The following CCDC91 variants were observed in gnomAD, a reference collection of about 807,000 sequenced individuals.
CCDC91 encodes coiled-coil domain-containing protein 91.
Under a neutral mutation model 63.2 loss-of-function variants are expected in CCDC91, and 48 were observed. That is an observed-to-expected ratio of 0.76 (90% CI 0.60 to 0.97). The LOEUF (loss-of-function observed/expected upper bound fraction) is 0.97. Among genes scored for constraint, CCDC91 ranks in the 50% least tolerant of loss-of-function variants. The pLI is 0.00. For synonymous variants in CCDC91, 167 were observed against 165.8 expected (o/e 1.01, Z -0.06); for missense variants, 500 against 494.6 (o/e 1.01, Z -0.10).
intron 6 of CCDC91, among the ~76,000 whole-genome samples, chr12:28,338,986 A>C (rs537537159): frequency 3.8e-4 from 58 of 152,164 alleles, no homozygotes; most frequent in African/African-American, 1.2e-3. Flanking sequence ...AATTACAGGC[A>C]TGCACTACCA....
At chr12:28,228,993 CTTATT>C (rs1210776466) in intron 1 of CCDC91, among the ~76,000 whole-genome samples, 5 of 151,982 alleles carry the variant, frequency 3.3e-5, no homozygotes, top group African/African-American at 9.7e-5. Context: ...ATAAAAGTAT[CTTATT>C]TTATGTATTG....
intron 1 of CCDC91, chr12:28,256,915 G>C (rs1407980371): frequency 3.2e-6 from 1 of 316,838 alleles, no homozygotes; most frequent in Non-Finnish European, 5.8e-6. Context: ...ATTGAATTGA[G>C]CTCTAGTGCC....
intron 3 of CCDC91, among the ~76,000 whole-genome samples, chr12:28,278,145 A>C (rs1948368390): frequency 2.0e-5 from 3 of 152,000 alleles, no homozygotes; most frequent in African/African-American, 7.2e-5. Context: ...CCAAATTTTG[A>C]AGTGACTGTT....
At chr12:28,368,248 C>T (rs1944399275) in intron 7 of CCDC91, among the ~76,000 whole-genome samples, 1 of 152,158 alleles carries the variant, frequency 6.6e-6, no homozygotes, top group African/African-American at 2.4e-5. Context: ...GGAAATGGAA[C>T]AAGTGCTGAA....
intron 6 of CCDC91, among the ~76,000 whole-genome samples, chr12:28,332,475 A>G (rs1941592957): frequency 6.6e-6 from 1 of 152,206 alleles, no homozygotes. Flanking sequence ...TAAAAAGATG[A>G]TTAGAAAACA....
intron 12 of CCDC91, among the ~76,000 whole-genome samples, chr12:28,542,804 T>A (rs1289837681): frequency 6.6e-6 from 1 of 152,112 alleles, no homozygotes; most frequent in East Asian, 1.9e-4. Context: ...TTATTTTTAA[T>A]AAGCAGGACA....
intron 3 of CCDC91, among the ~76,000 whole-genome samples, chr12:28,283,351 GT>G (rs796416469): frequency 5.6e-4 from 85 of 151,674 alleles, no homozygotes; most frequent in African/African-American, 2.0e-3. Flanking sequence ...AATATGGTAT[GT>G]TTTTCCATTT....
At chr12:28,295,976 G>T (rs1949540396) in intron 3 of CCDC91, among the ~76,000 whole-genome samples, 1 of 151,524 alleles carries the variant, frequency 6.6e-6, no homozygotes, top group African/African-American at 2.4e-5. Flanking sequence ...CTATGATTTT[G>T]GAATATTCCT....
chr12:28,237,259 CACACACAT>C (rs1022066620), intron 1 of CCDC91, among the ~76,000 whole-genome samples: 7 of 151,686 alleles, frequency 4.6e-5, no homozygotes, highest in Middle Eastern at 6.8e-3. Flanking sequence ...CACACACACA[CACACACAT>C]TTTTTAAAAA....
rs551814584 is a variant in CCDC91 at position 28,258,670 on chromosome 12, T to A, written c.31-694T>A. Among the ~76,000 whole-genome samples, 3 of 152,130 alleles carry A rather than the reference T, an allele frequency of 2.0e-5. No homozygotes were observed. The East Asian group carries it at 5.8e-4, about 29-fold the overall frequency. The stretch of plus-strand genomic sequence containing the variant: ...GTGTCACTTAGCTCCTGTGTCAGAT[T>A]ACCCCTTTTAACTTCTCCTTAAGGG... On this transcript the variant is annotated intron_variant, in intron 2 of 12. Transcript: ENST00000536442.
intron 8 of CCDC91, among the ~76,000 whole-genome samples, chr12:28,392,626 A>G (rs1373818568): frequency 6.6e-6 from 1 of 152,202 alleles, no homozygotes; most frequent in Admixed American, 6.5e-5. Context: ...AGAACTGGAA[A>G]TACTTAGTGA....
chr12:28,473,008 C>G (rs1327997055), intron 11 of CCDC91, among the ~76,000 whole-genome samples: 1 of 152,048 alleles, frequency 6.6e-6, no homozygotes, highest in Admixed American at 6.6e-5. Flanking sequence ...GTGATTCAAA[C>G]AATGTTGATT....
At chr12:28,240,427 G>C (rs1275043245) in intron 1 of CCDC91, among the ~76,000 whole-genome samples, 1 of 151,824 alleles carries the variant, frequency 6.6e-6, no homozygotes. Context: ...TTTATTCTCT[G>C]AAATGGGAAC....
chr12:28,325,602 G>T (rs1940918483), intron 6 of CCDC91, among the ~76,000 whole-genome samples: 1 of 151,890 alleles, frequency 6.6e-6, no homozygotes, highest in Admixed American at 6.6e-5. Flanking sequence ...ATAATTTTTA[G>T]TGAAGTGATC....
intron 6 of CCDC91, among the ~76,000 whole-genome samples, chr12:28,358,206 C>A (rs1388117077): frequency 6.6e-6 from 1 of 152,118 alleles, no homozygotes; most frequent in East Asian, 1.9e-4. Context: ...AATTTATATG[C>A]TTAGCTTGTA....
At chr12:28,389,675 T>A (rs536459013) in intron 7 of CCDC91, among the ~76,000 whole-genome samples, 64 of 152,224 alleles carry the variant, frequency 4.2e-4, no homozygotes, top group African/African-American at 1.5e-3. Flanking sequence ...ATATTTAAAT[T>A]GTGGGATTAT....
intron 8 of CCDC91, among the ~76,000 whole-genome samples, chr12:28,398,611 T>G (rs1305358456): frequency 6.6e-6 from 1 of 152,182 alleles, no homozygotes; most frequent in African/African-American, 2.4e-5. Context: ...AAAGTTTTAT[T>G]ATATTTGACA....
At chr12:28,528,629 CAAT>C (rs1440007224) in intron 12 of CCDC91, among the ~76,000 whole-genome samples, 1 of 152,128 alleles carries the variant, frequency 6.6e-6, no homozygotes, top group African/African-American at 2.4e-5. Context: ...GTGGGGGCTG[CAAT>C]CTAGTCCTGC....
chr12:28,415,415 G>C (rs945322427), intron 8 of CCDC91, among the ~76,000 whole-genome samples: 2 of 151,806 alleles, frequency 1.3e-5, no homozygotes, highest in Non-Finnish European at 2.9e-5. Flanking sequence ...TAGAGACGGG[G>C]TTTCTCCATG....
Sources: allele counts gnomAD v4.1 joint callset (sites outside exome capture counted in the v4.1 genomes callset), GRCh38; gene constraint gnomAD v4.1.1; transcripts MANE v1.5; gene names NCBI Gene and HGNC (gene_info 2026-07-23, HGNC 2026-07-21).